The following CACNA1C variants were observed in gnomAD, a reference collection of about 807,000 sequenced individuals.
The protein encoded by CACNA1C is voltage-dependent L-type calcium channel subunit alpha-1C.
A neutral mutation model predicts 229.0 loss-of-function variants in CACNA1C; 30 were observed. The observed-to-expected ratio is 0.13, with a 90% confidence interval of 0.10 to 0.18. The LOEUF is 0.18. Among genes scored for constraint, CACNA1C ranks in the 10% least tolerant of loss-of-function variants. The pLI, the probability that CACNA1C is intolerant of heterozygous loss-of-function variation, is 1.00. For missense variants in CACNA1C, 1,658 were observed against 2,845.0 expected (o/e 0.58, Z 9.49); for synonymous variants, 1,114 against 1,132.5 (o/e 0.98, Z 0.33).
chr12:2,494,354 G>T (rs2099742487), intron 7 of CACNA1C, among the ~76,000 whole-genome samples: 1 of 152,148 alleles, frequency 6.6e-6, no homozygotes, highest in Non-Finnish European at 1.5e-5. Flanking sequence ...CCATTATTAG[G>T]AAAAACTCCA....
intron 3 of CACNA1C, among the ~76,000 whole-genome samples, chr12:2,317,780 C>T (rs1342372755): frequency 6.6e-6 from 1 of 152,158 alleles, no homozygotes; most frequent in Non-Finnish European, 1.5e-5. Flanking sequence ...GCCAGAGGCT[C>T]TGGTGGCGAT....
chr12:2,009,398 G>A (rs7975810), intron 1 of CACNA1C, among the ~76,000 whole-genome samples: 2,388 of 152,296 alleles, frequency 0.016, 63 homozygotes, highest in African/African-American at 0.055. Flanking sequence ...TTGTAGGCAT[G>A]AATGAATGTT....
intron 2 of CACNA1C, among the ~76,000 whole-genome samples, chr12:2,118,275 C>G (rs1170025418): frequency 6.6e-6 from 1 of 152,120 alleles, no homozygotes; most frequent in Non-Finnish European, 1.5e-5. Context: ...TCTGGTTTGG[C>G]TGGGTTGTTG....
chr12:2,378,318 C>T (rs969645885), intron 3 of CACNA1C, among the ~76,000 whole-genome samples: 5 of 152,168 alleles, frequency 3.3e-5, no homozygotes, highest in African/African-American at 1.2e-4. Context: ...CGGGCCTCTG[C>T]ATGTGGATGG....
intron 3 of CACNA1C, among the ~76,000 whole-genome samples, chr12:2,160,448 C>T (rs763879585): frequency 1.3e-4 from 20 of 152,324 alleles, no homozygotes; most frequent in Middle Eastern, 6.8e-3. Flanking sequence ...CAAAAAGGGG[C>T]CACCACAGAG....
intron 18 of CACNA1C, among the ~76,000 whole-genome samples, chr12:2,589,311 G>A (rs2064018657): frequency 1.3e-5 from 2 of 152,224 alleles, no homozygotes. Flanking sequence ...GATTGTGTTA[G>A]GGGATACTCA....
chr12:2,372,725 T>C (rs554834473), intron 3 of CACNA1C, among the ~76,000 whole-genome samples: 59 of 152,344 alleles, frequency 3.9e-4, no homozygotes, highest in African/African-American at 1.4e-3. Flanking sequence ...TCGCCTCCCT[T>C]TCCAAGGCCC....
intron 1 of CACNA1C, among the ~76,000 whole-genome samples, chr12:2,082,087 G>A (rs1296291057): frequency 2.6e-5 from 4 of 152,174 alleles, no homozygotes; most frequent in Non-Finnish European, 4.4e-5. Flanking sequence ...GTAACACACA[G>A]CAATAGTCTG....
upstream of CACNA1C, chr12:2,048,402 G>A (rs2051460101): frequency 6.6e-6 from 1 of 152,186 alleles, no homozygotes. Context: ...ACTTTACCTG[G>A]TTTGAAATGC....
intron 1 of CACNA1C, among the ~76,000 whole-genome samples, chr12:2,095,596 C>T (rs987688956): frequency 2.0e-5 from 3 of 152,182 alleles, no homozygotes; most frequent in African/African-American, 7.2e-5. Flanking sequence ...GTCAGGCCAT[C>T]CAGTGTTTCG....
intron 29 of CACNA1C, among the ~76,000 whole-genome samples, chr12:2,622,931 C>T (rs1175439374): frequency 6.6e-6 from 1 of 152,200 alleles, no homozygotes; most frequent in East Asian, 1.9e-4. Context: ...TGTTCTCAGC[C>T]TCGTGGGGAT....
At chr12:2,147,164 G>C (rs74806198) in intron 3 of CACNA1C, among the ~76,000 whole-genome samples, 3 of 151,010 alleles carry the variant, frequency 2.0e-5, no homozygotes, top group South Asian at 2.1e-4. Context: ...CACTGAGAGA[G>C]GGGGGGAACC....
chr12:2,552,596 C>T (rs988359172), intron 10 of CACNA1C, among the ~76,000 whole-genome samples: 9 of 152,064 alleles, frequency 5.9e-5, no homozygotes, highest in East Asian at 3.9e-4. Context: ...AGGATCACTG[C>T]GACGTCAGGA....
At chr12:2,529,448 G>A (rs949863856) in intron 9 of CACNA1C, among the ~76,000 whole-genome samples, 3 of 152,216 alleles carry the variant, frequency 2.0e-5, no homozygotes, top group Admixed American at 2.0e-4. Flanking sequence ...TGTATTACCA[G>A]AATCCCATAC....
At position 2,297,154 on chromosome 12, in the gene CACNA1C, C is replaced by T. The variant is rs374029243; in HGVS notation, c.478-151822C>T. On this transcript the variant is annotated intron_variant, in intron 3 of 46. Coordinates refer to ENST00000399655, the MANE Select transcript of CACNA1C (RefSeq NM_000719.7). ...ACTCCGATTGCATGAGCAGGCTTCT[C>T]GAGTGCTGTCCTGTCAGCCTACCGT... Among the ~76,000 whole-genome samples, 177 of 152,308 alleles carry T rather than the reference C, an allele frequency of 1.2e-3. 2 individuals are homozygous for T. Among genetic ancestry groups the T allele is most frequent in the Non-Finnish European group, 2.4e-3 (166 of 68,020 alleles).
chr12:1,971,009 G>A lies in CACNA1C; in HGVS notation c.-54G>A, dbSNP rs1555196379. 8.6e-7 allele frequency: 1 copy of A among 1,163,932 alleles called. No homozygotes were observed. Among genetic ancestry groups the A allele is most frequent in the South Asian group, 1.4e-5 (1 of 73,332 alleles). The allele number at this position is 1,163,932 out of a possible 1,614,324, so 72.1% of individuals were successfully genotyped here. On this transcript the variant is annotated 5_prime_UTR_variant, in exon 1 of 47. Transcript: ENST00000682462. The surrounding 1 kb of genome is among the most constrained non-coding windows in gnomAD (Gnocchi z 4.2). ...AAAAATTATAAGAGATCATGAGCAG[G>A]ATAATTATTTAGCTTTAAAAATCAA... is the stretch of plus-strand genomic sequence containing the variant.
At chr12:2,668,834 G>A (rs1023724387) in intron 37 of CACNA1C, 99 bp from the exon 38 acceptor site, 29 of 767,836 alleles carry the variant, frequency 3.8e-5, no homozygotes, top group African/African-American at 6.8e-5. Flanking sequence ...AGATTTGGGC[G>A]AGGACACAGA....
chr12:2,566,762 C>T lies in CACNA1C; in HGVS notation c.1669+180C>T, dbSNP rs551733385. ...AGTTCCAAAGCCCCACAATAAAATGCGCTACCTTGTTAAAAACAGACACGG... is the reference window on the plus strand; with the variant it reads ...AGTTCCAAAGCCCCACAATAAAATGTGCTACCTTGTTAAAAACAGACACGG... On this transcript the variant is annotated intron_variant, in intron 12 of 46. Transcript: ENST00000399655. This position sits in a 1 kb window ranked among gnomAD's most constrained non-coding sequence, Gnocchi z 4.0. Among the ~76,000 whole-genome samples the T allele has an allele frequency of 4.6e-5, 7 of 152,164 alleles. No individual in the cohort carries two copies. The highest frequency in any genetic ancestry group is 1.4e-4 in the African/African-American group (6 of 41,428).
intron 3 of CACNA1C, among the ~76,000 whole-genome samples, chr12:2,324,082 T>A (rs943338659): frequency 5.3e-5 from 8 of 152,296 alleles, no homozygotes; most frequent in African/African-American, 1.9e-4. Context: ...GCTCTATATA[T>A]AACCCAAATG....
Sources: allele counts gnomAD v4.1 joint callset (sites outside exome capture counted in the v4.1 genomes callset), GRCh38; gene constraint gnomAD v4.1.1; non-coding constraint Gnocchi (gnomAD v3.1); transcripts MANE v1.5; gene names NCBI Gene and HGNC (gene_info 2026-07-23, HGNC 2026-07-21).